The following RBFOX3 variants were observed in gnomAD, a reference collection of about 807,000 sequenced individuals.
RBFOX3 encodes RNA binding protein fox-1 homolog 3.
A neutral mutation model predicts 48.7 loss-of-function variants in RBFOX3; 17 were observed. The ratio of observed to expected loss-of-function variants is 0.35; its 90% CI spans 0.24 to 0.52. RBFOX3 has a LOEUF of 0.52. Among genes scored for constraint, RBFOX3 ranks in the 20% least tolerant of loss-of-function variants. The pLI, the probability that RBFOX3 is intolerant of heterozygous loss-of-function variation, is 0.94. For synonymous variants in RBFOX3, 212 were observed against 209.5 expected (o/e 1.01, Z -0.10); for missense variants, 382 against 497.5 (o/e 0.77, Z 2.21).
At chr17:79,357,940 CTATTAT>C (rs55924430) in intron 2 of RBFOX3, among the ~76,000 whole-genome samples, 18 of 149,386 alleles carry the variant, frequency 1.2e-4, no homozygotes, top group African/African-American at 3.9e-4. Flanking sequence ...CCCAAACAAG[CTATTAT>C]TATTATTATT....
rs1257784700 is a variant in RBFOX3 at position 79,573,864 on chromosome 17, GAA to G, written c.-320+36960_-320+36961del. 2.0e-5 allele frequency among the ~76,000 whole-genome samples: 3 copies of G among 152,206 alleles called. No individual in the cohort carries two copies. In the East Asian group the frequency reaches 5.8e-4, roughly 29 times the overall value. ...CACGCGGGCACGTTCACCAGCTGGA[GAA>G]AGACAATGCCTCCTTCTCCTCCCTG... is the stretch of plus-strand genomic sequence containing the variant. On this transcript the variant is annotated intron_variant, in intron 1 of 14. Transcript: ENST00000693108.
the RBFOX3 span, among the ~76,000 whole-genome samples, chr17:79,617,011 C>T: frequency 6.6e-6 from 1 of 152,210 alleles, no homozygotes; most frequent in East Asian, 1.9e-4. Flanking sequence ...TCAGCCTCAG[C>T]TGTGTCCGCC....
At position 79,106,704 on chromosome 17, in the gene RBFOX3, C is replaced by T. The variant is rs1465377886; in HGVS notation, c.307G>A (p.Val103Ile). The change falls in exon 6 of 15, where the codon GTC (valine) becomes ATC (isoleucine). Residue 103 changes from valine to isoleucine, a missense_variant. By Grantham distance (29) the Val-to-Ile change is conservative. Coordinates refer to ENST00000693108, the MANE Select transcript of RBFOX3 (RefSeq NM_001350451.2). ...CTGAACCGGAAGGGGATGTTGGAGACGTGTAGCCGCTTGGGCTGCTGCTTC... is the reference window on the plus strand; with the variant it reads ...CTGAACCGGAAGGGGATGTTGGAGATGTGTAGCCGCTTGGGCTGCTGCTTC... ...TEKQQPKRLH[V>I]SNIPFRFRDP... 6 of 1,493,536 alleles carry T rather than the reference C, an allele frequency of 4.0e-6. No individual in the cohort carries two copies. Among genetic ancestry groups the T allele is most frequent in the Non-Finnish European group, 5.3e-6 (6 of 1,126,210 alleles). The allele number at this position is 1,493,536 out of a possible 1,614,324, so 92.5% of individuals were successfully genotyped here.
intron 2 of RBFOX3, among the ~76,000 whole-genome samples, chr17:79,378,478 C>T (rs576020917): frequency 9.2e-4 from 140 of 152,332 alleles, no homozygotes; most frequent in Non-Finnish European, 1.7e-3. Context: ...AAATATCGCA[C>T]TTGCCCAGGT....
chr17:79,411,810 T>C (rs887020325), intron 2 of RBFOX3, among the ~76,000 whole-genome samples: 1 of 152,218 alleles, frequency 6.6e-6, no homozygotes, highest in Non-Finnish European at 1.5e-5. Flanking sequence ...CAGGGGACGT[T>C]TGCTGAATGA....
intron 1 of RBFOX3, among the ~76,000 whole-genome samples, chr17:79,552,221 G>T (rs2091221552): frequency 1.3e-5 from 2 of 152,178 alleles, no homozygotes; most frequent in African/African-American, 4.8e-5. Flanking sequence ...TTCAAAATTT[G>T]ATAATTTAAA....
At position 79,524,396 on chromosome 17, in the gene RBFOX3, C is replaced by G. The variant is rs1055378843; in HGVS notation, c.-319-41798G>C. Among the ~76,000 whole-genome samples, 279 of 152,280 alleles carry G rather than the reference C, an allele frequency of 1.8e-3. 7 individuals carry two copies. In the Middle Eastern group the frequency reaches 0.02, roughly 11 times the overall value. On this transcript the variant is annotated intron_variant, in intron 1 of 14. Transcript: ENST00000693108. ...CCCAGCTTAATGGAGGCAGCCCGCT[C>G]TCTCTTCGGCAACCTCCCAATGGTT...
chr17:79,173,613 G>C (rs1050484301), intron 4 of RBFOX3, among the ~76,000 whole-genome samples: 3 of 152,206 alleles, frequency 2.0e-5, no homozygotes, highest in Non-Finnish European at 4.4e-5. Context: ...GCTTGGCAGT[G>C]ACGGCACGGC....
intron 2 of RBFOX3, among the ~76,000 whole-genome samples, chr17:79,393,895 C>A (rs2061667519): frequency 6.6e-6 from 1 of 151,512 alleles, no homozygotes; most frequent in South Asian, 2.1e-4. Context: ...ATTCATCGCA[C>A]ACATCAGAGA....
the RBFOX3 span, among the ~76,000 whole-genome samples, chr17:79,624,380 G>A: frequency 6.6e-6 from 1 of 152,168 alleles, no homozygotes; most frequent in Non-Finnish European, 1.5e-5. Context: ...CTGGGGAAGG[G>A]AGGGAGGCAG....
rs1340759355 is a variant in RBFOX3, at chr17:79,596,089, CCT to C, written c.-320+14735_-320+14736del. On this transcript the variant is annotated intron_variant, in intron 1 of 14. Coordinates refer to ENST00000693108, the MANE Select transcript of RBFOX3 (RefSeq NM_001350451.2). ...TACTTTTTCCTCCCTCTTATCTACT[CCT>C]CATTCCAAGCCCAGGAAAGAGGGGT... Among the ~76,000 whole-genome samples, 115 of 152,284 alleles carry C rather than the reference CCT, an allele frequency of 7.6e-4. 2 individuals are homozygous for C. The South Asian group carries it at 0.023, about 31-fold the overall frequency.
intron 4 of RBFOX3, among the ~76,000 whole-genome samples, chr17:79,230,569 T>C (rs534751212): frequency 5.9e-5 from 9 of 152,266 alleles, no homozygotes; most frequent in Non-Finnish European, 1.3e-4. Context: ...CTCCTTATTC[T>C]TTACAATCAA....
intron 1 of RBFOX3, among the ~76,000 whole-genome samples, chr17:79,608,830 G>C (rs1432333873): frequency 6.6e-6 from 1 of 152,200 alleles, no homozygotes. Flanking sequence ...GGGGCGGGGG[G>C]GCCAGCCTCG....
At chr17:79,210,023 A>G (rs886101333) in intron 4 of RBFOX3, among the ~76,000 whole-genome samples, 1 of 151,532 alleles carries the variant, frequency 6.6e-6, no homozygotes, top group Admixed American at 6.6e-5. Context: ...GAAAGAAAAG[A>G]AAGGACAGCG....
chr17:79,433,130 A>T (rs1373075199), intron 2 of RBFOX3, among the ~76,000 whole-genome samples: 1 of 152,078 alleles, frequency 6.6e-6, no homozygotes, highest in East Asian at 1.9e-4. Flanking sequence ...CTGCAGGGAG[A>T]CACGGTCACT....
chr17:79,457,976 C>A (rs1372121312), intron 2 of RBFOX3, among the ~76,000 whole-genome samples: 1 of 152,252 alleles, frequency 6.6e-6, no homozygotes, highest in African/African-American at 2.4e-5. Flanking sequence ...CAGGCCACAG[C>A]ACAACCTCAC....
intron 2 of RBFOX3, among the ~76,000 whole-genome samples, chr17:79,355,790 A>T (rs148863738): frequency 2.6e-5 from 4 of 152,296 alleles, no homozygotes; most frequent in African/African-American, 9.6e-5. Context: ...CATGTTGGCC[A>T]GGCTGGTCTT....
intron 4 of RBFOX3, among the ~76,000 whole-genome samples, chr17:79,186,418 G>C (rs1371257572): frequency 6.6e-6 from 1 of 152,220 alleles, no homozygotes; most frequent in Non-Finnish European, 1.5e-5. Context: ...GCCTGACTCT[G>C]CGGACCCCAC....
intron 1 of RBFOX3, among the ~76,000 whole-genome samples, chr17:79,543,039 T>C (rs1178317108): frequency 6.6e-6 from 1 of 152,046 alleles, no homozygotes; most frequent in African/African-American, 2.4e-5. Context: ...CAGACCCCTA[T>C]ATATCACAGC....
Sources: allele counts gnomAD v4.1 joint callset (sites outside exome capture counted in the v4.1 genomes callset), GRCh38; gene constraint gnomAD v4.1.1; transcripts MANE v1.5; gene names NCBI Gene and HGNC (gene_info 2026-07-23, HGNC 2026-07-21).